Variants in GABRG3 observed in about 807,000 individuals in gnomAD.
GABRG3 encodes gamma-aminobutyric acid receptor subunit gamma-3.
A neutral mutation model predicts 48.8 loss-of-function variants in GABRG3; 25 were observed. The ratio of observed to expected loss-of-function variants is 0.51; its 90% confidence interval spans 0.37 to 0.72. GABRG3 has a LOEUF of 0.72. Ranked by LOEUF, GABRG3 falls within the 30% of genes least tolerant of loss-of-function variation. The pLI is 0.00. For synonymous variants in GABRG3, 227 were observed against 217.6 expected (o/e 1.04, Z -0.38); for missense variants, 394 against 577.9 (o/e 0.68, Z 3.26).
chr15:27,452,414 A>C (rs541464448), intron 5 of GABRG3, among the ~76,000 whole-genome samples: 2 of 152,310 alleles, frequency 1.3e-5, no homozygotes, highest in African/African-American at 4.8e-5. Context: ...TGTGGGGGCC[A>C]ATACCCCCAC....
intron 3 of GABRG3, among the ~76,000 whole-genome samples, chr15:27,311,690 G>A (rs1174182418): frequency 6.6e-6 from 1 of 152,060 alleles, no homozygotes; most frequent in Non-Finnish European, 1.5e-5. Flanking sequence ...CTTTTCTGGA[G>A]GTGGCCTGAG....
intron 5 of GABRG3, among the ~76,000 whole-genome samples, chr15:27,333,025 G>C (rs1893852293): frequency 6.6e-6 from 1 of 152,110 alleles, no homozygotes; most frequent in African/African-American, 2.4e-5. Flanking sequence ...ATTTAAACTT[G>C]TTAAAATTAT....
At position 27,369,806 on chromosome 15, in the gene GABRG3, C is replaced by CAAAAAAAAAAAAA. The variant is rs34901488; in HGVS notation, c.574+40934_574+40946dup. On this transcript the variant is annotated intron_variant, in intron 5 of 9. Coordinates refer to ENST00000615808, the MANE Select transcript of GABRG3 (RefSeq NM_033223.5). Reference sequence around the variant, plus strand: ...TGGGCGACAGAGTGAGACTCCGTCTCAAAAAAAAAAAAAAAAAAAAAAAAA... The same window carrying CAAAAAAAAAAAAA: ...TGGGCGACAGAGTGAGACTCCGTCTCAAAAAAAAAAAAAAAAAAAAAAAAAAAAAAAAAAAAAA... Among the ~76,000 whole-genome samples, 12 of 30,268 alleles carry CAAAAAAAAAAAAA rather than the reference C, an allele frequency of 4.0e-4. 1 individual carries two copies. The highest frequency in any genetic ancestry group is 1.1e-3 in the African/African-American group (12 of 11,134). 19.9% of individuals were successfully genotyped at this position (30,268 alleles called of 152,430 possible).
rs1891559088 is a variant in GABRG3, at chr15:27,536,921, CA to C, written c.*4044del. ...CCTTGATCATTTTTATCTCAGCTGC[CA>C]AAATGGAAATTTTCTGTGATTTCCT... On this transcript the variant is annotated 3_prime_UTR_variant, in exon 10 of 10. Coordinates refer to ENST00000615808, the MANE Select transcript of GABRG3 (RefSeq NM_033223.5). 6.6e-6 allele frequency: 1 copy of C among 152,068 alleles called. No individual in the cohort carries two copies. Among genetic ancestry groups the C allele is most frequent in the African/African-American group, 2.4e-5 (1 of 41,392 alleles). 9.4% of individuals were successfully genotyped at this position (152,068 alleles called of 1,614,324 possible).
intron 3 of GABRG3, among the ~76,000 whole-genome samples, chr15:27,127,472 G>A (rs1329548219): frequency 6.6e-6 from 1 of 151,946 alleles, no homozygotes; most frequent in Non-Finnish European, 1.5e-5. Flanking sequence ...GTTTAATGTG[G>A]ACAGGGTTCC....
chr15:27,485,409 C>G (rs1371396389), intron 6 of GABRG3, among the ~76,000 whole-genome samples: 1 of 152,158 alleles, frequency 6.6e-6, no homozygotes, highest in Non-Finnish European at 1.5e-5. Flanking sequence ...GAAAAGCAGA[C>G]TCTATCAGGG....
chr15:27,228,691 A>G (rs927321860), intron 3 of GABRG3, among the ~76,000 whole-genome samples: 1 of 152,186 alleles, frequency 6.6e-6, no homozygotes, highest in Non-Finnish European at 1.5e-5. Context: ...AACAGTGTAT[A>G]AGGGTTCCCT....
intron 3 of GABRG3, among the ~76,000 whole-genome samples, chr15:27,227,692 A>G (rs554721179): frequency 1.3e-3 from 205 of 152,114 alleles, no homozygotes; most frequent in Non-Finnish European, 2.5e-3. Flanking sequence ...CTAAAGAAAA[A>G]AAAAAGAAAA....
chr15:27,229,435 T>G (rs1889727607), intron 3 of GABRG3, among the ~76,000 whole-genome samples: 1 of 150,468 alleles, frequency 6.6e-6, no homozygotes, highest in Non-Finnish European at 1.5e-5. Flanking sequence ...GTTTCATTGG[T>G]CTGTGTGCCT....
chr15:27,195,577 G>A (rs147653081), intron 3 of GABRG3, among the ~76,000 whole-genome samples: 10 of 152,092 alleles, frequency 6.6e-5, no homozygotes, highest in African/African-American at 1.9e-4. Flanking sequence ...TGATCTGCCC[G>A]CCTTGGCCTC....
chr15:27,265,553 G>A (rs1036723905), intron 3 of GABRG3, among the ~76,000 whole-genome samples: 1 of 152,120 alleles, frequency 6.6e-6, no homozygotes, highest in Non-Finnish European at 1.5e-5. Flanking sequence ...GCTTCACATC[G>A]GAGCGAAGGG....
At chr15:27,472,115 T>C (rs972018997) in intron 5 of GABRG3, among the ~76,000 whole-genome samples, 6 of 152,340 alleles carry the variant, frequency 3.9e-5, no homozygotes, top group Non-Finnish European at 8.8e-5. Context: ...TTTTAATCTA[T>C]GTTTGGCTCA....
chr15:26,993,410 T>C (rs945761598), intron 2 of GABRG3, among the ~76,000 whole-genome samples: 1 of 152,112 alleles, frequency 6.6e-6, no homozygotes, highest in African/African-American at 2.4e-5. Flanking sequence ...GTGTTTCCAT[T>C]ATCATTTGAT....
At chr15:27,138,998 G>A (rs1898057006) in intron 3 of GABRG3, among the ~76,000 whole-genome samples, 1 of 152,126 alleles carries the variant, frequency 6.6e-6, no homozygotes, top group African/African-American at 2.4e-5. Flanking sequence ...GGGGATGGGT[G>A]GATAGGTGAT....
chr15:27,229,456 TGTGTG>T (rs1889730201), intron 3 of GABRG3, among the ~76,000 whole-genome samples: 1 of 146,510 alleles, frequency 6.8e-6, no homozygotes, highest in Non-Finnish European at 1.5e-5. Context: ...AGGTTTTTTG[TGTGTG>T]TGTGTGTGTG....
intron 5 of GABRG3, among the ~76,000 whole-genome samples, chr15:27,425,225 A>AT (rs1202505960): frequency 6.6e-6 from 1 of 152,050 alleles, no homozygotes; most frequent in East Asian, 1.9e-4. Flanking sequence ...TGTAGTCTGC[A>AT]TTTTTTGCTG....
intron 3 of GABRG3, among the ~76,000 whole-genome samples, chr15:27,039,964 A>G (rs956709191): frequency 2.0e-5 from 3 of 151,058 alleles, no homozygotes; most frequent in African/African-American, 7.4e-5. Context: ...CCTTGCTGGG[A>G]CACTTCTTCT....
At position 27,532,612 on chromosome 15, in the gene GABRG3, C is replaced by T. The variant is rs1027767665; in HGVS notation, c.1135C>T (p.Leu379=). 10 of 1,613,650 alleles carry T rather than the reference C, an allele frequency of 6.2e-6. No homozygotes were observed. Among genetic ancestry groups the T allele is most frequent in the Middle Eastern group, 3.3e-4 (2 of 6,082 alleles). Residue 379 remains leucine, a synonymous_variant, in exon 10 of 10, where the codon CTG becomes TTG. Transcript: ENST00000615808. ...TTGTTGCTTGCAGAACTATTCCCTC[C>T]TGGACATGAGGCCACCACCAACTGC... ...SLQAPSNYSL[L]DMRPPPTAMI... is the part of the protein sequence containing the mutation.
At chr15:27,144,435 G>A (rs1566946267) in intron 3 of GABRG3, among the ~76,000 whole-genome samples, 1 of 152,244 alleles carries the variant, frequency 6.6e-6, no homozygotes, top group Non-Finnish European at 1.5e-5. Context: ...CATTCAAAGG[G>A]CATGTCTTTA....
Sources: gnomAD v4.1 joint callset for allele counts (sites outside exome capture counted in the v4.1 genomes callset) on GRCh38, gnomAD v4.1.1 for gene constraint, MANE v1.5 for transcripts, NCBI Gene and HGNC (gene_info 2026-07-23, HGNC 2026-07-21) for gene names.